The following GNAQ variants were observed in gnomAD, a reference collection of about 807,000 sequenced individuals.
GNAQ encodes G protein subunit alpha q.
A neutral mutation model predicts 43.9 loss-of-function variants in GNAQ; 8 were observed. The observed-to-expected ratio is 0.18, with a 90% CI of 0.11 to 0.33. GNAQ has a LOEUF of 0.33. GNAQ is among the 10% of genes least tolerant of loss of function. The probability of loss-of-function intolerance (pLI) is 1.00; values close to 1 mark genes in which losing one functional copy is unlikely to be tolerated. For synonymous variants in GNAQ, 155 were observed against 170.7 expected (o/e 0.91, Z 0.71); for missense variants, 158 against 450.8 (o/e 0.35, Z 5.88).
At chr9:77,803,337 G>C (rs1048422002) in intron 3 of GNAQ, among the ~76,000 whole-genome samples, 9 of 152,182 alleles carry the variant, frequency 5.9e-5, no homozygotes, top group African/African-American at 2.2e-4. Context: ...CCTGGCTAGA[G>C]AATGACAAAA....
At chr9:77,989,718 G>A (rs76079577) in intron 1 of GNAQ, among the ~76,000 whole-genome samples, 9,433 of 152,268 alleles carry the variant, frequency 0.062, 603 homozygotes, top group Admixed American at 0.2. Flanking sequence ...CTCCATACAT[G>A]AAGGAATGCA....
chr9:77,925,802 A>G (rs921675108), intron 1 of GNAQ, among the ~76,000 whole-genome samples: 3 of 152,208 alleles, frequency 2.0e-5, no homozygotes, highest in African/African-American at 7.2e-5. Flanking sequence ...TGGTATCCAC[A>G]AGGGATTGGT....
intron 5 of GNAQ, among the ~76,000 whole-genome samples, chr9:77,731,453 A>T (rs985672473): frequency 6.6e-6 from 1 of 152,158 alleles, no homozygotes; most frequent in African/African-American, 2.4e-5. Context: ...GGGGCTGCTC[A>T]AGGACATACC....
At chr9:77,803,797 T>G (rs1347239419) in intron 3 of GNAQ, among the ~76,000 whole-genome samples, 1 of 152,214 alleles carries the variant, frequency 6.6e-6, no homozygotes, top group Non-Finnish European at 1.5e-5. Flanking sequence ...TAGCCCTTGG[T>G]GATAATCCTC....
intron 1 of GNAQ, among the ~76,000 whole-genome samples, chr9:77,966,830 G>A (rs1809578093): frequency 1.3e-5 from 2 of 152,160 alleles, no homozygotes; most frequent in African/African-American, 4.8e-5. Context: ...AACAAACTAT[G>A]CTCTTGCTCA....
intron 2 of GNAQ, among the ~76,000 whole-genome samples, chr9:77,873,090 C>T (rs544493335): frequency 2.0e-5 from 3 of 152,276 alleles, no homozygotes; most frequent in African/African-American, 4.8e-5. Context: ...TGTATTCATC[C>T]CCTGGGGTCT....
chr9:77,802,594 T>C (rs1826763687), intron 3 of GNAQ, among the ~76,000 whole-genome samples: 1 of 152,168 alleles, frequency 6.6e-6, no homozygotes, highest in South Asian at 2.1e-4. Flanking sequence ...ATTTATACTG[T>C]AAATTCAGAG....
chr9:77,916,147 C>G (rs1169587658), intron 2 of GNAQ, among the ~76,000 whole-genome samples: 1 of 152,220 alleles, frequency 6.6e-6, no homozygotes, highest in East Asian at 1.9e-4. Context: ...AGCTTCTACT[C>G]CCTTCTCCCA....
At chr9:77,948,058 T>TA (rs1222562694) in intron 1 of GNAQ, among the ~76,000 whole-genome samples, 7 of 152,230 alleles carry the variant, frequency 4.6e-5, no homozygotes, top group African/African-American at 1.7e-4. Context: ...AAGAAAGTGT[T>TA]AGACAGGTGT....
intron 2 of GNAQ, among the ~76,000 whole-genome samples, chr9:77,895,760 C>T (rs79157562): frequency 0.063 from 9,621 of 152,196 alleles, 337 homozygotes; most frequent in African/African-American, 0.081. Context: ...TGGGAGATGA[C>T]TGAATTATGA....
chr9:77,931,535 G>A (rs1829152160), intron 1 of GNAQ, among the ~76,000 whole-genome samples: 1 of 151,814 alleles, frequency 6.6e-6, no homozygotes, highest in Non-Finnish European at 1.5e-5. Context: ...AGTATACAGT[G>A]AGCCGAGATC....
chr9:77,886,753 C>G (rs1352725615), intron 2 of GNAQ, among the ~76,000 whole-genome samples: 1 of 152,166 alleles, frequency 6.6e-6, no homozygotes, highest in African/African-American at 2.4e-5. Flanking sequence ...AGAAAAGCTA[C>G]TGGCTCATGA....
At chr9:77,875,694 T>A (rs1280444435) in intron 2 of GNAQ, among the ~76,000 whole-genome samples, 1 of 152,182 alleles carries the variant, frequency 6.6e-6, no homozygotes, top group Non-Finnish European at 1.5e-5. Flanking sequence ...CCTAAAGGCA[T>A]CCCTTTATAC....
chr9:77,879,310 C>T (rs942654454), intron 2 of GNAQ, among the ~76,000 whole-genome samples: 11 of 152,052 alleles, frequency 7.2e-5, no homozygotes, highest in Non-Finnish European at 1.5e-5. Context: ...GTGGCCCAGG[C>T]TGGAGTGCAG....
At chr9:77,912,248 A>C (rs1207107849) in intron 2 of GNAQ, among the ~76,000 whole-genome samples, 1 of 152,260 alleles carries the variant, frequency 6.6e-6, no homozygotes, top group Non-Finnish European at 1.5e-5. Flanking sequence ...AAACAAACTC[A>C]AACATATACA....
At chr9:77,948,733 A>G (rs913366636) in intron 1 of GNAQ, among the ~76,000 whole-genome samples, 17 of 152,180 alleles carry the variant, frequency 1.1e-4, no homozygotes, top group Admixed American at 1.1e-3. Flanking sequence ...GCAGCCTGGG[A>G]AGCCTCCCTA....
At chr9:77,872,147 T>C (rs1828048721) in intron 2 of GNAQ, among the ~76,000 whole-genome samples, 1 of 152,240 alleles carries the variant, frequency 6.6e-6, no homozygotes. Flanking sequence ...CTATTCAATA[T>C]TTCTTGAACA....
At chr9:77,985,100 G>A (rs532196742) in intron 1 of GNAQ, among the ~76,000 whole-genome samples, 4 of 152,278 alleles carry the variant, frequency 2.6e-5, no homozygotes, top group East Asian at 1.9e-4. Flanking sequence ...CACAAGGTGA[G>A]GAGATCGAGA....
chr9:77,805,172 A>G (rs1263965854), intron 3 of GNAQ, among the ~76,000 whole-genome samples: 2 of 152,132 alleles, frequency 1.3e-5, no homozygotes, highest in Non-Finnish European at 2.9e-5. Flanking sequence ...AACCTACTCT[A>G]GTCCCTTCCT....
Sources: allele counts gnomAD v4.1 joint callset (sites outside exome capture counted in the v4.1 genomes callset), GRCh38; gene constraint gnomAD v4.1.1; transcripts MANE v1.5; gene names NCBI Gene and HGNC (gene_info 2026-07-23, HGNC 2026-07-21).